DLGAP1: variants seen among roughly 807,000 people sequenced by gnomAD.
DLGAP1 encodes the protein DLG associated protein 1.
In DLGAP1, 11 loss-of-function variants were observed where a neutral mutation model predicts 90.8. The observed-to-expected ratio is 0.12, with a 90% confidence interval of 0.08 to 0.20. The LOEUF (loss-of-function observed/expected upper bound fraction) is 0.20, where lower values mean the gene tolerates loss of function less well. Ranked by LOEUF, DLGAP1 falls within the 10% of genes least tolerant of loss-of-function variation. DLGAP1 has a pLI of 1.00. For synonymous variants in DLGAP1, 558 were observed against 540.7 expected, an observed-to-expected ratio of 1.03 and a Z score of -0.44; for missense variants, 1,050 against 1,333.8, an observed-to-expected ratio of 0.79 and a Z score of 3.31.
intron 5 of DLGAP1, among the ~76,000 whole-genome samples, chr18:3,790,970 G>C (rs529918193): frequency 1.3e-5 from 2 of 152,142 alleles, no homozygotes; most frequent in Admixed American, 6.5e-5. Flanking sequence ...GGCTACTTTC[G>C]CTTCATTAAA....
At chr18:3,972,516 C>CTCTG (rs1272809281) in intron 3 of DLGAP1, among the ~76,000 whole-genome samples, 2 of 151,912 alleles carry the variant, frequency 1.3e-5, no homozygotes, top group Non-Finnish European at 2.9e-5. Flanking sequence ...CACTCTCTCT[C>CTCTG]TCTCTCTTTC....
At chr18:3,601,135 A>G (rs2057001944) in intron 7 of DLGAP1, among the ~76,000 whole-genome samples, 1 of 151,612 alleles carries the variant, frequency 6.6e-6, no homozygotes, top group Non-Finnish European at 1.5e-5. Flanking sequence ...GGCTCAGGCT[A>G]GAGTGCAGTG....
At chr18:4,025,031 C>A (rs1437038931) in intron 2 of DLGAP1, among the ~76,000 whole-genome samples, 1 of 152,196 alleles carries the variant, frequency 6.6e-6, no homozygotes, top group Non-Finnish European at 1.5e-5. Context: ...GCCCTCTGTC[C>A]TCCTGCCTCC....
At chr18:3,853,910 A>G (rs2069480649) in intron 4 of DLGAP1, among the ~76,000 whole-genome samples, 1 of 151,976 alleles carries the variant, frequency 6.6e-6, no homozygotes, top group Non-Finnish European at 1.5e-5. Context: ...CATTTCTGTT[A>G]GTGTTTATAT....
chr18:3,637,396 C>T (rs1567876202), intron 7 of DLGAP1, among the ~76,000 whole-genome samples: 2 of 151,956 alleles, frequency 1.3e-5, no homozygotes. Context: ...ACACACTTCG[C>T]TCCTGGTAGC....
chr18:3,533,192 A>T (rs1869683441), intron 10 of DLGAP1, among the ~76,000 whole-genome samples: 1 of 152,198 alleles, frequency 6.6e-6, no homozygotes, highest in Admixed American at 6.5e-5. Flanking sequence ...TTGGGAGGTC[A>T]AGGCTGGGGT....
intron 4 of DLGAP1, among the ~76,000 whole-genome samples, chr18:3,869,825 G>C (rs1455314029): frequency 6.6e-6 from 1 of 152,116 alleles, no homozygotes; most frequent in Non-Finnish European, 1.5e-5. Context: ...GCTTGTTAAT[G>C]TTTGAGGATC....
intron 2 of DLGAP1, among the ~76,000 whole-genome samples, chr18:4,079,503 C>T (rs1306831816): frequency 1.3e-5 from 2 of 151,772 alleles, no homozygotes; most frequent in African/African-American, 4.8e-5. Context: ...AAAGGCATAG[C>T]GAGTGGCATA....
Position 4,088,252 on chromosome 18 carries a change from A to C in DLGAP1, c.-159+62928T>G, listed in dbSNP as rs558255436. Among the ~76,000 whole-genome samples, 15 of 152,292 alleles carry C rather than the reference A, an allele frequency of 9.8e-5. 1 individual carries two copies. The East Asian group carries it at 1.7e-3, about 18-fold the overall frequency. On this transcript the variant is annotated intron_variant, in intron 2 of 12. Transcript: ENST00000315677. ...TATAAGGTAGGAGTCTCACACCAAT[A>C]TACTTCCAGTGTTTCTCTCTGATCT...
intron 1 of DLGAP1, among the ~76,000 whole-genome samples, chr18:4,417,372 A>G (rs1344910721): frequency 6.6e-6 from 1 of 152,196 alleles, no homozygotes; most frequent in Admixed American, 6.6e-5. Flanking sequence ...ATGAATTGAT[A>G]AATATTTTAA....
intron 1 of DLGAP1, among the ~76,000 whole-genome samples, chr18:4,277,892 G>A (rs2079451484): frequency 6.6e-6 from 1 of 152,070 alleles, no homozygotes; most frequent in South Asian, 2.1e-4. Context: ...TACAATGTCT[G>A]CTCCACTCTA....
At chr18:4,288,746 C>T (rs1008959166) in intron 1 of DLGAP1, among the ~76,000 whole-genome samples, 14 of 152,182 alleles carry the variant, frequency 9.2e-5, no homozygotes, top group African/African-American at 1.4e-4. Context: ...AAAATCAATC[C>T]GCTTGCTGCT....
At chr18:4,347,672 A>G (rs1269643540) in intron 1 of DLGAP1, among the ~76,000 whole-genome samples, 1 of 152,048 alleles carries the variant, frequency 6.6e-6, no homozygotes, top group Non-Finnish European at 1.5e-5. Flanking sequence ...ACATATTAAA[A>G]ATATATATTT....
chr18:4,128,332 T>C (rs1459993301), intron 2 of DLGAP1, among the ~76,000 whole-genome samples: 1 of 152,076 alleles, frequency 6.6e-6, no homozygotes, highest in Non-Finnish European at 1.5e-5. Flanking sequence ...GGGATGTGAG[T>C]AGGCTATATG....
chr18:4,452,504 A>G (rs1396393191), intron 1 of DLGAP1, among the ~76,000 whole-genome samples: 1 of 152,172 alleles, frequency 6.6e-6, no homozygotes, highest in East Asian at 1.9e-4. Flanking sequence ...AAATGGCTAT[A>G]TGGAACAAAG....
chr18:4,038,717 A>AT (rs1352438344), intron 2 of DLGAP1, among the ~76,000 whole-genome samples: 2 of 152,104 alleles, frequency 1.3e-5, no homozygotes, highest in African/African-American at 4.8e-5. Flanking sequence ...TTGGTAATTC[A>AT]TTTTTCTTCC....
chr18:3,794,233 C>A (rs1598771724), intron 5 of DLGAP1, among the ~76,000 whole-genome samples: 1 of 152,314 alleles, frequency 6.6e-6, no homozygotes, highest in East Asian at 1.9e-4. Flanking sequence ...CTTCCTTTAA[C>A]CCTTCTCTAA....
At chr18:4,027,919 C>T (rs538851851) in intron 2 of DLGAP1, among the ~76,000 whole-genome samples, 10 of 152,266 alleles carry the variant, frequency 6.6e-5, no homozygotes, top group Admixed American at 2.0e-4. Flanking sequence ...TTTGTGGTGC[C>T]TTCAAGATGG....
chr18:3,916,715 AACCATTAGGCTTC>A (rs1335877736), intron 3 of DLGAP1, among the ~76,000 whole-genome samples: 16 of 152,284 alleles, frequency 1.1e-4, no homozygotes, highest in African/African-American at 3.9e-4. Flanking sequence ...CTGTGCTTGC[AACCATTAGGCTTC>A]ACCGCCTCCT....
Sources: gnomAD v4.1 joint callset for allele counts (sites outside exome capture counted in the v4.1 genomes callset) on GRCh38, gnomAD v4.1.1 for gene constraint, MANE v1.5 for transcripts, NCBI Gene and HGNC (gene_info 2026-07-23, HGNC 2026-07-21) for gene names.